The following LEKR1 variants were observed in gnomAD, a reference collection of about 807,000 sequenced individuals.
The protein encoded by LEKR1 is leucine, glutamate and lysine rich 1, also known as protein LEKR1.
In LEKR1, 59 loss-of-function variants were observed where a neutral mutation model predicts 72.4. That is an observed-to-expected ratio of 0.82 (90% CI 0.66 to 1.01). The LOEUF is 1.01. LEKR1 is among the 50% of genes least tolerant of loss of function. LEKR1 has a pLI of 0.00. For synonymous variants in LEKR1, 257 were observed against 263.2 expected (o/e 0.98, Z 0.23); for missense variants, 728 against 759.2 (o/e 0.96, Z 0.48).
chr3:156,988,332 GC>G, intron 7 of LEKR1: 1 of 219,520 alleles, frequency 4.6e-6, no homozygotes, highest in South Asian at 8.7e-5. Context: ...TCCACTTAGG[GC>G]CCAGCCTCTG....
chr3:156,875,094 T>A (rs924729892), intron 3 of LEKR1, among the ~76,000 whole-genome samples: 1 of 152,242 alleles, frequency 6.6e-6, no homozygotes, highest in African/African-American at 2.4e-5. Context: ...TTTAGTTTTT[T>A]AAGGAATCTC....
At chr3:157,028,653 C>A (rs971981867) in intron 12 of LEKR1, among the ~76,000 whole-genome samples, 1 of 152,156 alleles carries the variant, frequency 6.6e-6, no homozygotes, top group African/African-American at 2.4e-5. Flanking sequence ...TTCCTTAGCA[C>A]CTAGTTCTTT....
chr3:156,835,840 C>T (rs530425983), intron 2 of LEKR1, among the ~76,000 whole-genome samples: 7 of 150,412 alleles, frequency 4.7e-5, no homozygotes, highest in African/African-American at 1.2e-4. Flanking sequence ...TCTCTCCCTC[C>T]CCCCAAGTCT....
intron 9 of LEKR1, among the ~76,000 whole-genome samples, chr3:157,005,400 A>G (rs993723808): frequency 2.0e-5 from 3 of 152,144 alleles, no homozygotes; most frequent in South Asian, 4.1e-4. Context: ...TACTATTTAT[A>G]CTCAAACTCT....
intron 5 of LEKR1, among the ~76,000 whole-genome samples, chr3:156,941,131 A>G (rs1425521579): frequency 1.8e-5 from 2 of 110,086 alleles, no homozygotes; most frequent in African/African-American, 2.7e-5. Context: ...GCATATAGCT[A>G]TTTTGAGGAA....
In LEKR1 at chr3:156,899,274, GTA is replaced by G. The variant is rs1560063145; in HGVS notation, c.264-21292_264-21291del. Reference sequence around the variant, plus strand: ...TATACATATATATATATACACACATGTATATATATACATGTATATATACATAT... The same window carrying G: ...TATACATATATATATATACACACATGTATATATACATGTATATATACATAT... On this transcript the variant is annotated intron_variant, in intron 3 of 12. Transcript: ENST00000356539. 3.6e-5 allele frequency among the ~76,000 whole-genome samples: 5 copies of G among 140,316 alleles called. 1 individual carries two copies. Among genetic ancestry groups the G allele is most frequent in the African/African-American group, 1.4e-4 (5 of 36,430 alleles). The allele number at this position is 140,316 out of a possible 152,430, so 92.1% of individuals were successfully genotyped here. A position where few individuals can be genotyped will look rare whatever the true frequency, so the allele number is the denominator to read the frequency against.
chr3:156,880,528 A>T (rs560912142), intron 3 of LEKR1, among the ~76,000 whole-genome samples: 5 of 152,222 alleles, frequency 3.3e-5, no homozygotes, highest in Admixed American at 6.5e-5. Flanking sequence ...AACCAAAAAG[A>T]GTCCAGGACC....
chr3:157,026,381 T>C (rs183008376), intron 11 of LEKR1, among the ~76,000 whole-genome samples: 108 of 152,246 alleles, frequency 7.1e-4, no homozygotes, highest in African/African-American at 2.5e-3. Flanking sequence ...GATTTTTAAA[T>C]CAAGATTTTG....
chr3:156,844,165 A>G (rs1245101026), intron 2 of LEKR1, among the ~76,000 whole-genome samples: 1 of 152,136 alleles, frequency 6.6e-6, no homozygotes, highest in Non-Finnish European at 1.5e-5. Context: ...TAGGCATATC[A>G]TTTATAATTT....
chr3:156,833,463 C>T (rs146156868), intron 2 of LEKR1, among the ~76,000 whole-genome samples: 150 of 152,286 alleles, frequency 9.8e-4, no homozygotes, highest in Non-Finnish European at 8.5e-4. Flanking sequence ...TTGTGGCATA[C>T]AATTTAATAT....
At position 156,927,595 on chromosome 3, in the gene LEKR1, G is replaced by A. The variant is rs1241079504; in HGVS notation, c.550G>A (p.Ala184Thr). 8.2e-7 allele frequency: 1 copy of A among 1,221,228 alleles called. No homozygotes were observed. Among genetic ancestry groups the A allele is most frequent in the East Asian group, 6.8e-5 (1 of 14,762 alleles). 75.6% of individuals were successfully genotyped at this position (1,221,228 alleles called of 1,614,324 possible). Reference sequence around the variant, plus strand: ...ACAAATTAAATCTATAAGTGAAACAGCCTTGACAGGTTTGTTACATATATT... The same window carrying A: ...ACAAATTAAATCTATAAGTGAAACAACCTTGACAGGTTTGTTACATATATT... The part of the protein sequence containing the change: ...FLQIKSISET[A>T]LTEIDILNKS... The change falls in exon 5 of 13, where the codon GCC (alanine) becomes ACC (threonine). Residue 184 changes from alanine to threonine, a missense_variant. Ala to Thr is a moderately conservative substitution (Grantham distance 58). Coordinates refer to ENST00000356539, the MANE Select transcript of LEKR1 (RefSeq NM_001004316.3).
At chr3:156,828,264 A>T (rs1286708764) in intron 1 of LEKR1, among the ~76,000 whole-genome samples, 1 of 152,156 alleles carries the variant, frequency 6.6e-6, no homozygotes, top group Non-Finnish European at 1.5e-5. Context: ...CCACTATAGG[A>T]CTTTTTGACA....
intron 6 of LEKR1, among the ~76,000 whole-genome samples, chr3:156,952,039 T>C (rs1186254964): frequency 6.6e-6 from 1 of 151,588 alleles, no homozygotes; most frequent in Non-Finnish European, 1.5e-5. Context: ...ATGAATTACT[T>C]GTACTTGTCA....
At chr3:157,037,265 G>A (rs1338553530) in intron 12 of LEKR1, among the ~76,000 whole-genome samples, 1 of 152,010 alleles carries the variant, frequency 6.6e-6, no homozygotes, top group Non-Finnish European at 1.5e-5. Context: ...GGCAGGACTT[G>A]GAAATGTGAA....
chr3:156,842,064 A>C (rs185304230), intron 2 of LEKR1, among the ~76,000 whole-genome samples: 131 of 152,276 alleles, frequency 8.6e-4, no homozygotes, highest in Non-Finnish European at 1.5e-3. Context: ...ATGCCTGATG[A>C]TCCGAGGTGG....
At chr3:156,907,575 A>G (rs963385658) in intron 3 of LEKR1, among the ~76,000 whole-genome samples, 1 of 151,986 alleles carries the variant, frequency 6.6e-6, no homozygotes, top group Non-Finnish European at 1.5e-5. Flanking sequence ...CCATTCTTTT[A>G]TACCACAATT....
rs2108051347 is a variant in LEKR1, at chr3:157,045,667, C to T, written c.1996C>T (p.Pro666Ser). The T allele has an allele frequency of 6.2e-7, 1 of 1,614,030 alleles. No homozygotes were observed. The highest frequency in any genetic ancestry group is 1.3e-5 in the African/African-American group (1 of 75,062). ...SGVPILPQPH[P>S]PRGGASSANE... Reference sequence around the variant, plus strand: ...CGTGCCCATTCTCCCCCAGCCACATCCTCCCAGGGGTGGAGCATCTTCAGC... The same window carrying T: ...CGTGCCCATTCTCCCCCAGCCACATTCTCCCAGGGGTGGAGCATCTTCAGC... Residue 666 changes from proline (P) to serine (S), a missense_variant, in exon 13 of 13, where the codon CCT (proline) becomes TCT (serine). Transcript: ENST00000356539.
intron 3 of LEKR1, among the ~76,000 whole-genome samples, chr3:156,885,741 C>T (rs1033705619): frequency 6.6e-6 from 1 of 152,232 alleles, no homozygotes; most frequent in African/African-American, 2.4e-5. Flanking sequence ...TTCTTAAATG[C>T]TGGTTATGCT....
At chr3:157,021,218 AT>A (rs1733809841) in intron 10 of LEKR1, among the ~76,000 whole-genome samples, 1 of 151,854 alleles carries the variant, frequency 6.6e-6, no homozygotes, top group South Asian at 2.1e-4. Context: ...ATTTTCTCCC[AT>A]TTTATAGGTT....
Sources: allele counts gnomAD v4.1 joint callset (sites outside exome capture counted in the v4.1 genomes callset), GRCh38; gene constraint gnomAD v4.1.1; transcripts MANE v1.5; gene names NCBI Gene and HGNC (gene_info 2026-07-23, HGNC 2026-07-21).